The following KDELR2 variants were observed in gnomAD, a reference collection of about 807,000 sequenced individuals.
KDELR2 encodes ER lumen protein-retaining receptor 2.
KDELR2 carries 15 observed loss-of-function variants against 23.9 expected under a neutral mutation model. That is an observed-to-expected ratio of 0.63 (90% CI 0.42 to 0.97). KDELR2 has a LOEUF of 0.97. KDELR2 is among the 50% of genes least tolerant of loss of function. The pLI is 0.00. For synonymous variants in KDELR2, 119 were observed against 106.2 expected (o/e 1.12, Z -0.74); for missense variants, 272 against 254.6 (o/e 1.07, Z -0.46).
In KDELR2 at chr7:6,462,831, T is replaced by C. The variant is rs757623232; in HGVS notation, c.*310A>G. On this transcript the variant is annotated 3_prime_UTR_variant, in exon 5 of 5. Coordinates refer to ENST00000258739, the MANE Select transcript of KDELR2 (RefSeq NM_006854.4). Reference sequence around the variant, plus strand: ...TTTAAAATAAAAAAAAAATTTGCACTTATTCCTCACAAAATCTTCACTTTT... The same window carrying C: ...TTTAAAATAAAAAAAAAATTTGCACCTATTCCTCACAAAATCTTCACTTTT... 2 of 746,170 alleles carry C rather than the reference T, an allele frequency of 2.7e-6. No individual in the cohort carries two copies. The highest frequency in any genetic ancestry group is 4.1e-6 in the Non-Finnish European group (2 of 491,142). The allele number at this position is 746,170 out of a possible 1,614,324, so 46.2% of individuals were successfully genotyped here.
intron 1 of KDELR2, among the ~76,000 whole-genome samples, chr7:6,482,043 C>A (rs1008530273): frequency 6.6e-5 from 10 of 151,694 alleles, no homozygotes; most frequent in Non-Finnish European, 1.3e-4. Context: ...GCTCTCGTTG[C>A]CCAGGCTGGA....
chr7:6,481,630 G>C (rs1186623678), intron 1 of KDELR2, among the ~76,000 whole-genome samples: 2 of 152,154 alleles, frequency 1.3e-5, no homozygotes, highest in Non-Finnish European at 2.9e-5. Context: ...TGAGGAGGGA[G>C]GATCGCTTGA....
At position 6,466,059 on chromosome 7, in the gene KDELR2, C is replaced by T. The variant is rs1389519860; in HGVS notation, c.604+12G>A. 1 of 1,612,574 alleles carries T rather than the reference C, an allele frequency of 6.2e-7. No homozygotes were observed. The highest frequency in any genetic ancestry group is 1.7e-5 in the Admixed American group (1 of 59,934). On this transcript the variant is annotated intron_variant, in intron 4 of 4. Coordinates refer to ENST00000258739, the MANE Select transcript of KDELR2 (RefSeq NM_006854.4). ...GTCACTCTAGAAACAACGCAGGTCG[C>T]ACCCAACATACCTTTTGTAATGTAC...
intron 3 of KDELR2, among the ~76,000 whole-genome samples, chr7:6,468,632 A>G (rs1456622191): frequency 2.0e-5 from 3 of 152,012 alleles, no homozygotes; most frequent in East Asian, 1.9e-4. Context: ...CAGCCTCCCA[A>G]GTAACTGGGA....
intron 1 of KDELR2, among the ~76,000 whole-genome samples, chr7:6,478,767 A>G (rs13240753): frequency 0.37 from 55,612 of 151,946 alleles, 13,174 homozygotes; most frequent in Non-Finnish European, 0.54. Flanking sequence ...TATGTCCATC[A>G]GCAAAGTTTA....
chr7:6,465,333 AC>A (rs1785480750), intron 4 of KDELR2, among the ~76,000 whole-genome samples: 1 of 151,442 alleles, frequency 6.6e-6, no homozygotes, highest in African/African-American at 2.4e-5. Context: ...ACAGGCGCCC[AC>A]CACCACGCCT....
chr7:6,483,439 T>A (rs1785951683), intron 1 of KDELR2, among the ~76,000 whole-genome samples: 1 of 152,184 alleles, frequency 6.6e-6, no homozygotes, highest in South Asian at 2.1e-4. Flanking sequence ...GAGCCCGGTC[T>A]TGCACGGGCA....
intron 3 of KDELR2, among the ~76,000 whole-genome samples, chr7:6,466,590 T>C (rs758004866): frequency 1.3e-5 from 2 of 152,094 alleles, no homozygotes; most frequent in Non-Finnish European, 2.9e-5. Flanking sequence ...ATTGCAATCA[T>C]TGTGCACTTT....
In KDELR2 at chr7:6,465,969, G is replaced by A. The variant is rs988336962; in HGVS notation, c.604+102C>T. ...GGCCAATCATGAAAGTGTTTCTCTGGAGCCAGTTTATGAGAGAGTGCCAGA... is the reference window on the plus strand; with the variant it reads ...GGCCAATCATGAAAGTGTTTCTCTGAAGCCAGTTTATGAGAGAGTGCCAGA... On this transcript the variant is annotated intron_variant, in intron 4 of 4. Coordinates refer to ENST00000258739, the MANE Select transcript of KDELR2 (RefSeq NM_006854.4). The A allele has an allele frequency of 9.0e-6, 11 of 1,219,838 alleles. No homozygotes were observed. The Admixed American group carries it at 1.8e-4, about 20-fold the overall frequency. 75.6% of individuals were successfully genotyped at this position (1,219,838 alleles called of 1,614,324 possible). A position where few individuals can be genotyped will look rare whatever the true frequency, so the allele number is the denominator to read the frequency against.
chr7:6,461,226 G>A lies in KDELR2; in HGVS notation c.*1915C>T, dbSNP rs1213301818. On this transcript the variant is annotated 3_prime_UTR_variant, in exon 5 of 5. Transcript: ENST00000258739. ...CCCACACTCCCTCGCAGGCACCCTTGCTAAGATGTCCTCCTGGGTGACCAA... is the reference window on the plus strand; with the variant it reads ...CCCACACTCCCTCGCAGGCACCCTTACTAAGATGTCCTCCTGGGTGACCAA... The A allele has an allele frequency of 6.6e-6, 1 of 152,202 alleles. No individual in the cohort carries two copies. The highest frequency in any genetic ancestry group is 1.5e-5 in the Non-Finnish European group (1 of 68,042). 9.4% of individuals were successfully genotyped at this position (152,202 alleles called of 1,614,324 possible).
chr7:6,473,659 C>T (rs1785698369), intron 2 of KDELR2, among the ~76,000 whole-genome samples: 1 of 152,118 alleles, frequency 6.6e-6, no homozygotes, highest in Admixed American at 6.6e-5. Flanking sequence ...ATCATTTAAG[C>T]ACGGCAAATG....
intron 1 of KDELR2, among the ~76,000 whole-genome samples, chr7:6,483,708 G>A (rs560968720): frequency 6.6e-6 from 1 of 152,310 alleles, no homozygotes; most frequent in African/African-American, 2.4e-5. Context: ...GCCCCGCGCA[G>A]CCGGGTGCGC....
intron 1 of KDELR2, among the ~76,000 whole-genome samples, chr7:6,478,624 C>A (rs928404871): frequency 2.6e-5 from 4 of 152,008 alleles, no homozygotes; most frequent in Admixed American, 2.6e-4. Flanking sequence ...TTATTTCACT[C>A]AGTTTATTGT....
chr7:6,474,508 T>A (rs1785715892), intron 1 of KDELR2, among the ~76,000 whole-genome samples: 2 of 152,142 alleles, frequency 1.3e-5, no homozygotes, highest in South Asian at 4.1e-4. Context: ...TGTCTCACTA[T>A]AAAGGGCGAC....
In KDELR2 at chr7:6,484,079, C is replaced by T. The variant is rs761896769; in HGVS notation, c.-22G>A. 57 of 1,439,180 alleles carry T rather than the reference C, an allele frequency of 4.0e-5. 2 individuals are homozygous for T. The South Asian group carries it at 6.8e-4, about 17-fold the overall frequency. The allele number at this position is 1,439,180 out of a possible 1,614,324, so 89.2% of individuals were successfully genotyped here. On this transcript the variant is annotated 5_prime_UTR_variant, in exon 1 of 5. Transcript: ENST00000258739. ...TCATGGCGGCGGCGGCGGTGGCGGT[C>T]GGCGCAGCGCGGCGGCCCCGGGGCT...
intron 2 of KDELR2, 93 bp from the exon 3 acceptor site, chr7:6,469,847 A>G (rs1053162717): frequency 5.9e-5 from 65 of 1,106,768 alleles, no homozygotes; most frequent in Non-Finnish European, 7.4e-5. Flanking sequence ...TTGGAAAGGC[A>G]AGATTTTTTT....
chr7:6,481,355 A>G (rs6960903), intron 1 of KDELR2, among the ~76,000 whole-genome samples: 124,508 of 140,720 alleles, frequency 0.88, 55,632 homozygotes, highest in Non-Finnish European at 0.91. Flanking sequence ...ACAAGATCAA[A>G]AGTTCATCTC....
At chr7:6,476,749 T>C (rs1220110621) in intron 1 of KDELR2, among the ~76,000 whole-genome samples, 1 of 152,150 alleles carries the variant, frequency 6.6e-6, no homozygotes, top group Non-Finnish European at 1.5e-5. Flanking sequence ...CTCAGGACTG[T>C]TGATTCATTC....
At position 6,474,194 on chromosome 7, in the gene KDELR2, G is replaced by A. The variant is rs763697362; in HGVS notation, c.182C>T (p.Thr61Ile). 3.8e-6 allele frequency: 6 copies of A among 1,596,354 alleles called. No homozygotes were observed. In the Admixed American group the frequency reaches 6.7e-5, roughly 18 times the overall value. ...LFTSFISLYN[T>I]SMKVIYLACS... ...GATGGCATACCATACCTTCATAGATGTGTTATACAATGAAATAAATGAAGT... is the reference window on the plus strand; with the variant it reads ...GATGGCATACCATACCTTCATAGATATGTTATACAATGAAATAAATGAAGT... The change falls in exon 2 of 5, where the codon ACA becomes ATA. Residue 61 changes from threonine (T) to isoleucine (I), a missense_variant. By Grantham distance (89) the Thr-to-Ile change is moderately conservative. Transcript: ENST00000258739.
Sources: gnomAD v4.1 joint callset for allele counts (sites outside exome capture counted in the v4.1 genomes callset) on GRCh38, gnomAD v4.1.1 for gene constraint, MANE v1.5 for transcripts, NCBI Gene and HGNC (gene_info 2026-07-23, HGNC 2026-07-21) for gene names.